POLR3B: variants seen among roughly 807,000 people sequenced by gnomAD.
POLR3B encodes the protein RNA polymerase III subunit B.
A neutral mutation model predicts 147.4 loss-of-function variants in POLR3B; 96 were observed. The observed-to-expected ratio is 0.65, with a 90% CI of 0.55 to 0.77. The LOEUF (loss-of-function observed/expected upper bound fraction) is 0.77. Among genes scored for constraint, POLR3B ranks in the 30% least tolerant of loss-of-function variants. The pLI, the probability that POLR3B is intolerant of heterozygous loss-of-function variation, is 0.00. For synonymous variants in POLR3B, 461 were observed against 485.9 expected (o/e 0.95, Z 0.67); for missense variants, 1,036 against 1,413.5 (o/e 0.73, Z 4.28).
At chr12:106,470,122 C>T (rs2038069667) in intron 23 of POLR3B, among the ~76,000 whole-genome samples, 1 of 152,178 alleles carries the variant, frequency 6.6e-6, no homozygotes, top group South Asian at 2.1e-4. Context: ...CACGTAGTCG[C>T]ATATTTCTTG....
chr12:106,421,291 A>T (rs911416051), intron 12 of POLR3B, among the ~76,000 whole-genome samples: 4 of 151,948 alleles, frequency 2.6e-5, no homozygotes, highest in Non-Finnish European at 5.9e-5. Flanking sequence ...CATATGCAAG[A>T]GTTTCTCTAA....
chr12:106,424,408 C>T (rs1366923508), intron 12 of POLR3B, among the ~76,000 whole-genome samples: 2 of 152,124 alleles, frequency 1.3e-5, no homozygotes, highest in African/African-American at 4.8e-5. Flanking sequence ...TCCCCATCAA[C>T]TTTTCTCCTG....
At chr12:106,471,320 A>G (rs2038088114) in intron 23 of POLR3B, among the ~76,000 whole-genome samples, 1 of 152,178 alleles carries the variant, frequency 6.6e-6, no homozygotes, top group Non-Finnish European at 1.5e-5. Context: ...GACCATGGGG[A>G]AAGCACAGTA....
chr12:106,371,137 C>G (rs2036601043), intron 6 of POLR3B, among the ~76,000 whole-genome samples: 1 of 151,854 alleles, frequency 6.6e-6, no homozygotes. Flanking sequence ...AGGACATGAA[C>G]AGACACTTCT....
At chr12:106,390,802 A>G (rs981436330) in intron 9 of POLR3B, among the ~76,000 whole-genome samples, 1 of 152,124 alleles carries the variant, frequency 6.6e-6, no homozygotes, top group Non-Finnish European at 1.5e-5. Flanking sequence ...GTAACAGATT[A>G]TAGCATAGCT....
intron 16 of POLR3B, among the ~76,000 whole-genome samples, chr12:106,436,596 GGTGACA>G: frequency 6.6e-6 from 1 of 152,146 alleles, no homozygotes; most frequent in East Asian, 1.9e-4. Context: ...TATTACCCTA[GGTGACA>G]GTGCTTCTTT....
chr12:106,414,521 A>G (rs890982764), intron 12 of POLR3B, among the ~76,000 whole-genome samples: 1 of 152,122 alleles, frequency 6.6e-6, no homozygotes, highest in Non-Finnish European at 1.5e-5. Flanking sequence ...CACATCCTTC[A>G]TCTTGTCACT....
chr12:106,509,533 C>G lies in POLR3B; in HGVS notation c.3386C>G (p.Ser1129Cys), dbSNP rs1442771378. 4.3e-6 allele frequency: 7 copies of G among 1,612,570 alleles called. No individual in the cohort carries two copies. Among genetic ancestry groups the G allele is most frequent in the Non-Finnish European group, 5.9e-6 (7 of 1,178,716 alleles). ...AACATCATCCCCAGGTTAAAACTGT[C>G]CAAGTACAATGAATGAGGATGGAAA... Reference protein sequence around the residue: ...SMNIIPRLKLSKYNE With the variant: ...SMNIIPRLKLCKYNE Residue 1129 changes from serine (S) to cysteine (C), a missense_variant, in exon 28 of 28, where the codon TCC becomes TGC. Physicochemically the swap from Ser to Cys is moderately radical, Grantham distance 112. This residue lies in a region of POLR3B where 69 missense variants were observed against 89.8 expected (regional missense o/e 0.77). Coordinates refer to ENST00000228347, the MANE Select transcript of POLR3B (RefSeq NM_018082.6).
intron 10 of POLR3B, among the ~76,000 whole-genome samples, chr12:106,400,727 T>TG (rs1477259053): frequency 6.6e-6 from 1 of 152,184 alleles, no homozygotes; most frequent in Non-Finnish European, 1.5e-5. Flanking sequence ...GAATGACTAC[T>TG]GGGTACATAA....
At chr12:106,371,949 A>G (rs12579099) in intron 6 of POLR3B, among the ~76,000 whole-genome samples, 33,166 of 151,990 alleles carry the variant, frequency 0.22, 4,150 homozygotes, top group Middle Eastern at 0.31. Context: ...TAATAATAAA[A>G]TAAAATAAAA....
At chr12:106,418,938 G>A (rs923122669) in intron 12 of POLR3B, among the ~76,000 whole-genome samples, 3 of 152,132 alleles carry the variant, frequency 2.0e-5, no homozygotes, top group Non-Finnish European at 2.9e-5. Context: ...ATTTCCTTGT[G>A]TTTGAATCAA....
intron 23 of POLR3B, among the ~76,000 whole-genome samples, chr12:106,477,472 G>A (rs374671146): frequency 7.7e-5 from 11 of 142,536 alleles, no homozygotes; most frequent in East Asian, 4.1e-4. Flanking sequence ...CCTCGCTGCC[G>A]CCTTGCCGTT....
At chr12:106,502,073 C>T (rs1014877085) in intron 26 of POLR3B, among the ~76,000 whole-genome samples, 3 of 152,134 alleles carry the variant, frequency 2.0e-5, no homozygotes, top group African/African-American at 7.2e-5. Flanking sequence ...GATGCATAGT[C>T]GAGGGCAGTG....
intron 9 of POLR3B, among the ~76,000 whole-genome samples, chr12:106,383,288 TATC>T (rs2136905340): frequency 6.6e-6 from 1 of 152,320 alleles, no homozygotes; most frequent in African/African-American, 2.4e-5. Flanking sequence ...TTCACTTTCT[TATC>T]ATGTATATGT....
intron 6 of POLR3B, among the ~76,000 whole-genome samples, chr12:106,376,027 G>A (rs1470198893): frequency 6.6e-6 from 1 of 152,082 alleles, no homozygotes; most frequent in African/African-American, 2.4e-5. Flanking sequence ...TGTATTTTTA[G>A]TAGAGATGGA....
At chr12:106,364,178 G>T (rs575275364) in intron 2 of POLR3B, among the ~76,000 whole-genome samples, 73 of 152,308 alleles carry the variant, frequency 4.8e-4, no homozygotes, top group Middle Eastern at 3.4e-3. Flanking sequence ...AATGGTCAGA[G>T]AGGGCCACCC....
intron 12 of POLR3B, among the ~76,000 whole-genome samples, chr12:106,424,702 G>C (rs555559615): frequency 6.6e-6 from 1 of 152,092 alleles, no homozygotes; most frequent in South Asian, 2.1e-4. Context: ...TTTTTTCTCT[G>C]AGTATTATTA....
intron 9 of POLR3B, among the ~76,000 whole-genome samples, chr12:106,384,145 A>G (rs2036802158): frequency 6.6e-6 from 1 of 152,232 alleles, no homozygotes; most frequent in African/African-American, 2.4e-5. Context: ...AGCAGGGTCA[A>G]TCTGGAAGCA....
rs1342644832 is a variant in POLR3B at position 106,369,366 on chromosome 12, A to C, written c.303+16A>C. ...CCCTCATGAGGTAATTATGAACCTT[A>C]CTTTAATTGGACTTGTTTGCTTTAA... On this transcript the variant is annotated intron_variant, in intron 5 of 27. Coordinates refer to ENST00000228347, the MANE Select transcript of POLR3B (RefSeq NM_018082.6). 1.6e-5 allele frequency: 23 copies of C among 1,418,978 alleles called. No individual in the cohort carries two copies. Among genetic ancestry groups the C allele is most frequent in the Non-Finnish European group, 2.2e-5 (22 of 1,001,700 alleles). 87.9% of individuals were successfully genotyped at this position (1,418,978 alleles called of 1,614,324 possible). A position where few individuals can be genotyped will look rare whatever the true frequency, so the allele number is the denominator to read the frequency against.
Sources: gnomAD v4.1 joint callset for allele counts (sites outside exome capture counted in the v4.1 genomes callset) on GRCh38, gnomAD v4.1.1 for gene constraint, gnomAD v4.1.1 regional missense constraint, MANE v1.5 for transcripts, NCBI Gene and HGNC (gene_info 2026-07-23, HGNC 2026-07-21) for gene names.